ARHGEF11: variants seen among roughly 807,000 people sequenced by gnomAD.
ARHGEF11 encodes Rho guanine nucleotide exchange factor 11, also known as Rho guanine exchange factor (GEF) 11.
ARHGEF11 carries 55 observed loss-of-function variants against 193.7 expected under a neutral mutation model. That is an observed-to-expected ratio of 0.28 (90% confidence interval 0.23 to 0.36). ARHGEF11 has a LOEUF of 0.36. ARHGEF11 is among the 10% of genes least tolerant of loss of function. The probability of loss-of-function intolerance (pLI) is 1.00; values close to 1 mark genes in which losing one functional copy is unlikely to be tolerated. For missense variants in ARHGEF11, 1,723 were observed against 2,005.6 expected, an observed-to-expected ratio of 0.86 and a Z score of 2.69; for synonymous variants, 693 against 768.0, an observed-to-expected ratio of 0.90 and a Z score of 1.62.
At chr1:157,020,107 G>A (rs530368302) in intron 1 of ARHGEF11, among the ~76,000 whole-genome samples, 30 of 147,970 alleles carry the variant, frequency 2.0e-4, no homozygotes, top group Middle Eastern at 7.0e-3. Flanking sequence ...CTGGGCGACA[G>A]TGCGAGACTC....
Position 156,956,426 on chromosome 1 carries a change from G to C in ARHGEF11, c.1665C>G (p.Thr555=). Residue 555 remains threonine, a synonymous_variant, in exon 19 of 41, where the codon ACC becomes ACG. Coordinates refer to ENST00000368194, the MANE Select transcript of ARHGEF11 (RefSeq NM_198236.3). ...CACCATGCCCGGCCCTCACCTTCTT[G>C]GTCTTAGGGAAGAACGGTAGCCACT... The part of the protein sequence containing the change: ...KDKWLPFFPK[T]KKSSNSKKEK... 3.7e-6 allele frequency: 6 copies of C among 1,614,004 alleles called. No individual in the cohort carries two copies. The highest frequency in any genetic ancestry group is 5.1e-6 in the Non-Finnish European group (6 of 1,179,974).
chr1:156,940,139 G>A (rs759414789), intron 36 of ARHGEF11, 68 bp downstream of exon 36: 372 of 1,491,712 alleles, frequency 2.5e-4, no homozygotes, highest in Non-Finnish European at 3.0e-4. Flanking sequence ...GGGTGCAGGC[G>A]CCTGCCAGTT....
chr1:156,954,374 T>A, intron 21 of ARHGEF11, among the ~76,000 whole-genome samples: 1 of 92,848 alleles, frequency 1.1e-5, no homozygotes. Flanking sequence ...AGTGAAACTG[T>A]GTCTCCAAAA....
At chr1:156,970,369 CA>C (rs985651839) in intron 8 of ARHGEF11, among the ~76,000 whole-genome samples, 20 of 152,124 alleles carry the variant, frequency 1.3e-4, no homozygotes, top group Non-Finnish European at 2.5e-4. Context: ...AAGACTCAAG[CA>C]GGTGACCGAG....
intron 1 of ARHGEF11, among the ~76,000 whole-genome samples, chr1:156,992,999 A>G (rs1249849404): frequency 6.6e-6 from 1 of 152,224 alleles, no homozygotes; most frequent in African/African-American, 2.4e-5. Flanking sequence ...AAATGTGTAA[A>G]TGAGGACAAG....
intron 1 of ARHGEF11, among the ~76,000 whole-genome samples, chr1:157,032,440 C>A (rs1571588733): frequency 6.6e-6 from 1 of 152,364 alleles, no homozygotes; most frequent in East Asian, 1.9e-4. Flanking sequence ...TGTAACAATG[C>A]AGATCCTCAG....
intron 13 of ARHGEF11, among the ~76,000 whole-genome samples, chr1:156,962,559 C>T (rs1009652321): frequency 1.3e-5 from 2 of 152,028 alleles, no homozygotes; most frequent in African/African-American, 2.4e-5. Context: ...ACTCCCTAGT[C>T]GGTCTGTATC....
chr1:156,973,487 C>T (rs930214695), intron 7 of ARHGEF11, among the ~76,000 whole-genome samples: 1 of 152,202 alleles, frequency 6.6e-6, no homozygotes, highest in Non-Finnish European at 1.5e-5. Context: ...GTCATCCAGT[C>T]CCCAGTTTCA....
chr1:157,024,463 C>G (rs116085861), intron 1 of ARHGEF11, among the ~76,000 whole-genome samples: 1,967 of 152,194 alleles, frequency 0.013, 39 homozygotes, highest in African/African-American at 0.045. Context: ...CTATAAAACT[C>G]CAAGTGCTGC....
chr1:156,941,781 C>T lies in ARHGEF11; in HGVS notation c.3452+83G>A, dbSNP rs201868119. 4.6e-4 allele frequency: 694 copies of T among 1,514,990 alleles called. 6 individuals are homozygous for T. The highest frequency in any genetic ancestry group is 1.5e-4 in the Admixed American group (7 of 47,686). The allele number at this position is 1,514,990 out of a possible 1,614,324, so 93.8% of individuals were successfully genotyped here. Reference sequence around the variant, plus strand: ...TTTCCCTGTTGTGGCTGTCTACCCACGGGGGCGAAGGGCTTAAAAGCAGCA... The same window carrying T: ...TTTCCCTGTTGTGGCTGTCTACCCATGGGGGCGAAGGGCTTAAAAGCAGCA... On this transcript the variant is annotated intron_variant, in intron 34 of 40. Transcript: ENST00000368194.
chr1:156,984,083 A>C (rs1664580184), intron 3 of ARHGEF11, among the ~76,000 whole-genome samples: 1 of 152,240 alleles, frequency 6.6e-6, no homozygotes, highest in Non-Finnish European at 1.5e-5. Flanking sequence ...GCAATCAGAC[A>C]TCTGCCTGAT....
chr1:156,973,048 T>C (rs1026816211), intron 7 of ARHGEF11, among the ~76,000 whole-genome samples: 8 of 152,004 alleles, frequency 5.3e-5, no homozygotes, highest in African/African-American at 1.9e-4. Flanking sequence ...GCCACTTTTT[T>C]TTCTTTTTTT....
At chr1:157,036,585 G>A (rs377230488) in intron 1 of ARHGEF11, among the ~76,000 whole-genome samples, 1 of 152,170 alleles carries the variant, frequency 6.6e-6, no homozygotes, top group African/African-American at 2.4e-5. Flanking sequence ...GCCTCCCAAA[G>A]TGCTGGGATT....
intron 6 of ARHGEF11, among the ~76,000 whole-genome samples, chr1:156,977,580 T>C (rs938797189): frequency 3.3e-5 from 5 of 152,060 alleles, no homozygotes; most frequent in Admixed American, 6.6e-5. Context: ...GTCTGGCTAA[T>C]TTTTTGTATT....
upstream of ARHGEF11, among the ~76,000 whole-genome samples, chr1:157,045,838 TC>T (rs1443949866): frequency 6.7e-6 from 1 of 149,560 alleles, no homozygotes; most frequent in Non-Finnish European, 1.5e-5. Context: ...CCCCCTTCCC[TC>T]CCTCCTTCCC....
At chr1:156,967,801 T>C (rs776241931) in intron 11 of ARHGEF11, 186 bp downstream of exon 11, 3 of 727,660 alleles carry the variant, frequency 4.1e-6, no homozygotes, top group Non-Finnish European at 6.8e-6. Context: ...CTTACTTTCA[T>C]ATCTCTATTT....
At position 156,972,437 on chromosome 1, in the gene ARHGEF11, G is replaced by A. The variant is rs535594901; in HGVS notation, c.583-621C>T. On this transcript the variant is annotated intron_variant, in intron 7 of 40. Transcript: ENST00000368194. ...TGATAAAATGGAGATGACAATACCC[G>A]CCTCATGGGACGGGTGTAATAGTGG... is the stretch of plus-strand genomic sequence containing the variant. 6.6e-5 allele frequency among the ~76,000 whole-genome samples: 10 copies of A among 152,336 alleles called. No homozygotes were observed. In the South Asian group the frequency reaches 1.9e-3, roughly 28 times the overall value.
intron 1 of ARHGEF11, among the ~76,000 whole-genome samples, chr1:157,027,920 T>C (rs1242556059): frequency 6.6e-6 from 1 of 151,858 alleles, no homozygotes; most frequent in Non-Finnish European, 1.5e-5. Flanking sequence ...AGAGAAAGGG[T>C]GGTGGGAAAG....
At chr1:156,994,391 T>TGTG (rs1553220941) in intron 1 of ARHGEF11, among the ~76,000 whole-genome samples, 1 of 26,790 alleles carries the variant, frequency 3.7e-5, no homozygotes, top group Admixed American at 4.6e-4. Context: ...TTTTATTGTG[T>TGTG]GTTTTTTTTT....
Sources: gnomAD v4.1 joint callset for allele counts (sites outside exome capture counted in the v4.1 genomes callset) on GRCh38, gnomAD v4.1.1 for gene constraint, MANE v1.5 for transcripts, NCBI Gene and HGNC (gene_info 2026-07-23, HGNC 2026-07-21) for gene names.